Variants in COMMD10 observed in about 807,000 individuals in gnomAD.
COMMD10 encodes COMM domain-containing protein 10.
In COMMD10, 33 loss-of-function variants were observed where a neutral mutation model predicts 28.9. The ratio of observed to expected loss-of-function variants is 1.14; its 90% CI spans 0.87 to 1.53. COMMD10 has a LOEUF of 1.53. Among genes scored for constraint, COMMD10 ranks in the 40% most tolerant of loss-of-function variants. The pLI is 0.00. For synonymous variants in COMMD10, 110 were observed against 81.7 expected (o/e 1.35, Z -1.87); for missense variants, 310 against 233.4 (o/e 1.33, Z -2.14).
At chr5:116,199,039 C>T (rs1748599130) in intron 5 of COMMD10, among the ~76,000 whole-genome samples, 1 of 152,082 alleles carries the variant, frequency 6.6e-6, no homozygotes, top group South Asian at 2.1e-4. Context: ...GCCAAACTGT[C>T]TTTCATGGTG....
intron 4 of COMMD10, among the ~76,000 whole-genome samples, chr5:116,103,247 T>C (rs1750725265): frequency 6.6e-6 from 1 of 152,246 alleles, no homozygotes; most frequent in Non-Finnish European, 1.5e-5. Flanking sequence ...ATTGCCACAC[T>C]GTCTTCCACA....
intron 4 of COMMD10, among the ~76,000 whole-genome samples, chr5:116,103,243 A>T (rs185685924): frequency 7.5e-4 from 115 of 152,332 alleles, no homozygotes; most frequent in African/African-American, 2.6e-3. Context: ...AGGAATTGCC[A>T]CACTGTCTTC....
chr5:116,130,082 T>C (rs573003341), intron 4 of COMMD10, among the ~76,000 whole-genome samples: 1 of 151,882 alleles, frequency 6.6e-6, no homozygotes, highest in Non-Finnish European at 1.5e-5. Context: ...GAAAAGGCTC[T>C]GGAAATTAAG....
chr5:116,100,459 A>G (rs1221542740), intron 4 of COMMD10, among the ~76,000 whole-genome samples: 1 of 150,522 alleles, frequency 6.6e-6, no homozygotes, highest in Non-Finnish European at 1.5e-5. Context: ...TCTTTCATTT[A>G]AGTCTTTAAT....
intron 5 of COMMD10, among the ~76,000 whole-genome samples, chr5:116,140,267 C>T (rs937836108): frequency 9.2e-5 from 11 of 120,068 alleles, no homozygotes; most frequent in African/African-American, 4.4e-4. Flanking sequence ...ATGTGTCTGT[C>T]TGTATATATG....
intron 2 of COMMD10, among the ~76,000 whole-genome samples, chr5:116,089,106 C>G (rs1312313862): frequency 6.6e-6 from 1 of 152,216 alleles, no homozygotes; most frequent in Non-Finnish European, 1.5e-5. Context: ...ATGATAGCGG[C>G]AACATTCTGT....
intron 4 of COMMD10, among the ~76,000 whole-genome samples, chr5:116,100,368 C>T (rs1342235037): frequency 2.6e-5 from 4 of 152,002 alleles, no homozygotes. Context: ...TTTTGGTGTC[C>T]TATCCAAAAA....
intron 5 of COMMD10, among the ~76,000 whole-genome samples, chr5:116,140,231 A>ATGTGTGTGTGTGTG (rs3072964): frequency 0.014 from 2,067 of 147,056 alleles, 47 homozygotes; most frequent in African/African-American, 0.045. Context: ...TCATACTACT[A>ATGTGTGTGTGTGTG]TGTGTGTGTG....
rs1452776694 is a variant in COMMD10 at position 116,278,980 on chromosome 5, A to G, written c.511-12537A>G. ...CTTATTCTGATATTTTCCATATCCA[A>G]TATTTTTTTCCTTCAGGGGAAAAAT... is the stretch of plus-strand genomic sequence containing the variant. On this transcript the variant is annotated intron_variant, in intron 5 of 6. Coordinates refer to ENST00000274458, the MANE Select transcript of COMMD10 (RefSeq NM_016144.4). Among the ~76,000 whole-genome samples the G allele has an allele frequency of 4.6e-5, 7 of 151,974 alleles. No individual in the cohort carries two copies. In the South Asian group the frequency reaches 1.2e-3, roughly 27 times the overall value.
At chr5:116,285,207 T>G (rs1475068578) in intron 5 of COMMD10, among the ~76,000 whole-genome samples, 1 of 151,948 alleles carries the variant, frequency 6.6e-6, no homozygotes, top group Non-Finnish European at 1.5e-5. Flanking sequence ...TACATGTAAA[T>G]GTAAAAGTCA....
chr5:116,169,880 T>G (rs111856371), intron 5 of COMMD10, among the ~76,000 whole-genome samples: 16,524 of 152,044 alleles, frequency 0.11, 1,342 homozygotes, highest in African/African-American at 0.22. Flanking sequence ...ACAGCCAATA[T>G]CATACTGAAT....
intron 5 of COMMD10, among the ~76,000 whole-genome samples, chr5:116,255,253 A>G (rs10054248): frequency 0.11 from 17,244 of 151,562 alleles, 1,282 homozygotes; most frequent in African/African-American, 0.18. Flanking sequence ...TCTTTATCCA[A>G]TTTGCCAGTC....
chr5:116,167,513 C>T lies in COMMD10; in HGVS notation c.510+33335C>T, dbSNP rs148595689. Among the ~76,000 whole-genome samples the T allele has an allele frequency of 7.1e-3, 1,079 of 152,134 alleles. 14 individuals carry two copies. The highest frequency in any genetic ancestry group is 0.025 in the African/African-American group (1,025 of 41,516). ...CAGAGAACACCACAAAGATACTCCTCGAGAAGAGCAACCCCAAGACACATA... is the reference window on the plus strand; with the variant it reads ...CAGAGAACACCACAAAGATACTCCTTGAGAAGAGCAACCCCAAGACACATA... On this transcript the variant is annotated intron_variant, in intron 5 of 6. Transcript: ENST00000274458.
chr5:116,199,640 T>G (rs1385141046), intron 5 of COMMD10, among the ~76,000 whole-genome samples: 1 of 152,226 alleles, frequency 6.6e-6, no homozygotes, highest in Non-Finnish European at 1.5e-5. Flanking sequence ...TATGTAGATC[T>G]GAGTTTCTGA....
intron 5 of COMMD10, among the ~76,000 whole-genome samples, chr5:116,243,889 A>T (rs1749874321): frequency 6.6e-6 from 1 of 152,168 alleles, no homozygotes; most frequent in Non-Finnish European, 1.5e-5. Flanking sequence ...AAAAAAGAGG[A>T]GCCAGAGATT....
chr5:116,086,662 G>A (rs1220709267), intron 1 of COMMD10, among the ~76,000 whole-genome samples: 1 of 152,196 alleles, frequency 6.6e-6, no homozygotes, highest in Non-Finnish European at 1.5e-5. Context: ...GTTTCACCAT[G>A]TTGGCTAGGC....
chr5:116,099,377 C>A (rs1750577537), intron 4 of COMMD10, among the ~76,000 whole-genome samples: 1 of 152,158 alleles, frequency 6.6e-6, no homozygotes, highest in South Asian at 2.1e-4. Context: ...GTTTCCTTAT[C>A]TTGGCCATTG....
intron 5 of COMMD10, among the ~76,000 whole-genome samples, chr5:116,234,255 G>C (rs1580569573): frequency 6.6e-6 from 1 of 152,088 alleles, no homozygotes; most frequent in Non-Finnish European, 1.5e-5. Context: ...ATACTATCAA[G>C]GAAAGACAGA....
rs145472807 is a variant in COMMD10, at chr5:116,263,240, C to A, written c.511-28277C>A. ...GAATTGGAGCTGAGGACTAAGCTCT[C>A]ATTTATCTTGCCCAAATTCCTACAT... On this transcript the variant is annotated intron_variant, in intron 5 of 6. Coordinates refer to ENST00000274458, the MANE Select transcript of COMMD10 (RefSeq NM_016144.4). 7.4e-3 allele frequency among the ~76,000 whole-genome samples: 1,131 copies of A among 151,844 alleles called. 43 individuals are homozygous for A. The highest frequency in any genetic ancestry group is 0.026 in the African/African-American group (1,077 of 41,250).
Sources: allele counts gnomAD v4.1 joint callset (sites outside exome capture counted in the v4.1 genomes callset), GRCh38; gene constraint gnomAD v4.1.1; transcripts MANE v1.5; gene names NCBI Gene and HGNC (gene_info 2026-07-23, HGNC 2026-07-21).